Variants in SLC35F1 observed in about 807,000 individuals in gnomAD.
SLC35F1 encodes the protein chromosome 6 open reading frame 169.
SLC35F1 carries 14 observed loss-of-function variants against 48.7 expected under a neutral mutation model. That is an observed-to-expected ratio of 0.29 (90% CI 0.19 to 0.45). The LOEUF (loss-of-function observed/expected upper bound fraction) is 0.45, where lower values mean the gene tolerates loss of function less well. SLC35F1 is among the 20% of genes least tolerant of loss of function. The pLI, the probability that SLC35F1 is intolerant of heterozygous loss-of-function variation, is 1.00. For synonymous variants in SLC35F1, 190 were observed against 202.2 expected (o/e 0.94, Z 0.51); for missense variants, 404 against 500.0 (o/e 0.81, Z 1.83).
chr6:117,945,393 T>C (rs1468833668), intron 1 of SLC35F1, among the ~76,000 whole-genome samples: 1 of 152,230 alleles, frequency 6.6e-6, no homozygotes, highest in Non-Finnish European at 1.5e-5. Context: ...ACTTGCTACA[T>C]GCATTGTATG....
chr6:118,061,979 G>C (rs1772547935), intron 1 of SLC35F1, among the ~76,000 whole-genome samples: 1 of 152,142 alleles, frequency 6.6e-6, no homozygotes, highest in Non-Finnish European at 1.5e-5. Context: ...GTACCGGTCT[G>C]AGAGTTGGCG....
chr6:118,084,023 C>A (rs1228120626), intron 1 of SLC35F1, among the ~76,000 whole-genome samples: 2 of 152,158 alleles, frequency 1.3e-5, no homozygotes, highest in Admixed American at 1.3e-4. Context: ...TTGTTTAATT[C>A]TCATAACAGC....
At chr6:117,986,176 C>T (rs1443231096) in intron 1 of SLC35F1, among the ~76,000 whole-genome samples, 2 of 152,206 alleles carry the variant, frequency 1.3e-5, no homozygotes, top group Admixed American at 6.5e-5. Flanking sequence ...TCCCAGTTCT[C>T]ATTTCCTGGG....
intron 1 of SLC35F1, among the ~76,000 whole-genome samples, chr6:118,003,545 T>G (rs1282119012): frequency 1.3e-5 from 2 of 152,170 alleles, no homozygotes; most frequent in Admixed American, 1.3e-4. Flanking sequence ...TTTCTGGATA[T>G]AAGCTAAGAG....
chr6:118,258,841 A>G (rs17079929), intron 3 of SLC35F1, among the ~76,000 whole-genome samples: 4,390 of 152,052 alleles, frequency 0.029, 219 homozygotes, highest in African/African-American at 0.099. Flanking sequence ...AAACTGAATT[A>G]GCTATTAACT....
intron 1 of SLC35F1, among the ~76,000 whole-genome samples, chr6:118,097,576 G>A (rs1044960750): frequency 6.6e-6 from 1 of 152,204 alleles, no homozygotes; most frequent in African/African-American, 2.4e-5. Flanking sequence ...TGTCATGAAT[G>A]GGAAATCTGA....
At chr6:118,070,523 T>C (rs1772687060) in intron 1 of SLC35F1, among the ~76,000 whole-genome samples, 1 of 152,128 alleles carries the variant, frequency 6.6e-6, no homozygotes, top group Non-Finnish European at 1.5e-5. Flanking sequence ...AACACACATA[T>C]GTATATAACG....
intron 2 of SLC35F1, among the ~76,000 whole-genome samples, chr6:118,211,321 T>C (rs942628726): frequency 1.4e-4 from 22 of 152,192 alleles, no homozygotes; most frequent in Non-Finnish European, 1.3e-4. Flanking sequence ...CTTTCTACCT[T>C]GTGTTTCAAT....
chr6:118,221,908 G>A (rs973034020), intron 2 of SLC35F1, among the ~76,000 whole-genome samples: 2 of 152,048 alleles, frequency 1.3e-5, no homozygotes, highest in Non-Finnish European at 2.9e-5. Flanking sequence ...AAATTAACAA[G>A]AATTTCAAAT....
intron 1 of SLC35F1, among the ~76,000 whole-genome samples, chr6:117,931,270 TTTTTA>T (rs1476184118): frequency 6.6e-6 from 1 of 152,236 alleles, no homozygotes; most frequent in Non-Finnish European, 1.5e-5. Flanking sequence ...TACTTGCTCC[TTTTTA>T]TTTTATTAAA....
rs547642517 is a variant in SLC35F1 at position 117,999,861 on chromosome 6, A to C, written c.173+91962A>C. On this transcript the variant is annotated intron_variant, in intron 1 of 7. Coordinates refer to ENST00000360388, the MANE Select transcript of SLC35F1 (RefSeq NM_001029858.4). ...CTAGAAAATCTAGAAGAAATGGATA[A>C]ATTCCTCGACACATATACCCTCCCA... Among the ~76,000 whole-genome samples, 159 of 151,142 alleles carry C rather than the reference A, an allele frequency of 1.1e-3. 2 individuals are homozygous for C. In the East Asian group the frequency reaches 0.027, roughly 26 times the overall value.
At chr6:118,038,313 C>A (rs1772163707) in intron 1 of SLC35F1, among the ~76,000 whole-genome samples, 2 of 151,568 alleles carry the variant, frequency 1.3e-5, no homozygotes, top group Non-Finnish European at 2.9e-5. Flanking sequence ...AGATTTTTTT[C>A]TCATATTATT....
intron 1 of SLC35F1, among the ~76,000 whole-genome samples, chr6:118,143,852 G>A (rs1244021406): frequency 6.6e-6 from 1 of 152,098 alleles, no homozygotes; most frequent in Non-Finnish European, 1.5e-5. Context: ...TATAGATGAG[G>A]AAAATGAGTC....
intron 7 of SLC35F1, among the ~76,000 whole-genome samples, chr6:118,292,219 A>G (rs990299643): frequency 1.3e-5 from 2 of 152,228 alleles, no homozygotes; most frequent in Admixed American, 6.5e-5. Flanking sequence ...AAGGCTCCCC[A>G]GGTGATTCCA....
In SLC35F1 at chr6:118,002,790, G is replaced by A. The variant is rs180734256; in HGVS notation, c.173+94891G>A. On this transcript the variant is annotated intron_variant, in intron 1 of 7. Coordinates refer to ENST00000360388, the MANE Select transcript of SLC35F1 (RefSeq NM_001029858.4). The stretch of plus-strand genomic sequence containing the variant: ...AATTTCTAACCTGTCTGGAAGAAAA[G>A]GCATAAGAGATCAGTAAAAGTGGAA... 3.6e-4 allele frequency among the ~76,000 whole-genome samples: 55 copies of A among 151,146 alleles called. No homozygotes were observed. The East Asian group carries it at 9.9e-3, about 27-fold the overall frequency.
chr6:118,163,069 C>T (rs1220590263), intron 2 of SLC35F1, among the ~76,000 whole-genome samples: 3 of 151,446 alleles, frequency 2.0e-5, no homozygotes, highest in Non-Finnish European at 4.4e-5. Flanking sequence ...TCAAGCAGTT[C>T]TCCTGCCTCA....
At chr6:117,953,799 G>A (rs776907504) in intron 1 of SLC35F1, among the ~76,000 whole-genome samples, 2 of 152,158 alleles carry the variant, frequency 1.3e-5, no homozygotes, top group Admixed American at 6.5e-5. Flanking sequence ...CTATATGAAG[G>A]TGTCTAAGTA....
At chr6:117,955,529 T>G (rs1054604659) in intron 1 of SLC35F1, among the ~76,000 whole-genome samples, 4 of 152,214 alleles carry the variant, frequency 2.6e-5, no homozygotes, top group African/African-American at 9.6e-5. Context: ...AAGTTCTTCA[T>G]TGCTTCTTTG....
chr6:118,039,799 G>GTTT (rs149879230), intron 1 of SLC35F1, among the ~76,000 whole-genome samples: 2,442 of 106,020 alleles, frequency 0.023, 258 homozygotes, highest in East Asian at 0.11. Flanking sequence ...TCTCAGGATT[G>GTTT]TTTTTTTTGT....
Sources: gnomAD v4.1 joint callset for allele counts (sites outside exome capture counted in the v4.1 genomes callset) on GRCh38, gnomAD v4.1.1 for gene constraint, MANE v1.5 for transcripts, NCBI Gene and HGNC (gene_info 2026-07-23, HGNC 2026-07-21) for gene names.